Variants in OVCH1 observed in about 807,000 individuals in gnomAD.
The protein encoded by OVCH1 is ovochymase-1.
In OVCH1, 139 loss-of-function variants were observed where a neutral mutation model predicts 138.4. The ratio of observed to expected loss-of-function variants is 1.00; its 90% CI spans 0.87 to 1.16. The LOEUF (loss-of-function observed/expected upper bound fraction) is 1.16, where lower values mean the gene tolerates loss of function less well. Ranked by LOEUF, OVCH1 falls within the 50% of genes most tolerant of loss-of-function variation. The probability of loss-of-function intolerance (pLI) is 0.00; values close to 1 mark genes in which losing one functional copy is unlikely to be tolerated. For missense variants in OVCH1, 1,367 were observed against 1,357.9 expected, an observed-to-expected ratio of 1.01 and a Z score of -0.11; for synonymous variants, 453 against 467.8, an observed-to-expected ratio of 0.97 and a Z score of 0.41.
Position 29,461,619 on chromosome 12 carries a change from C to T in OVCH1, c.2280+235G>A, listed in dbSNP as rs1942134214. 1.5e-4 allele frequency: 84 copies of T among 577,600 alleles called. 1 individual carries two copies. The South Asian group carries it at 1.5e-3, about 10-fold the overall frequency. 35.8% of individuals were successfully genotyped at this position (577,600 alleles called of 1,614,324 possible). A position where few individuals can be genotyped will look rare whatever the true frequency, so the allele number is the denominator to read the frequency against. Reference sequence around the variant, plus strand: ...ATTTCCTGCCTTCTCACCAGCTCCTCTATGAACCCACCGGCCTTTGTCGCT... The same window carrying T: ...ATTTCCTGCCTTCTCACCAGCTCCTTTATGAACCCACCGGCCTTTGTCGCT... On this transcript the variant is annotated intron_variant, in intron 19 of 27. Coordinates refer to ENST00000318184, the Ensembl canonical transcript of OVCH1.
At position 29,491,194 on chromosome 12, in the gene OVCH1, T is replaced by A. The variant is rs373548428; in HGVS notation, c.455-2A>T. Reference sequence around the variant, plus strand: ...GACAGATTGGCTGAACAGCATTTCCTGAGAAAACAACAAAGGCATGAGGTT... The same window carrying A: ...GACAGATTGGCTGAACAGCATTTCCAGAGAAAACAACAAAGGCATGAGGTT... On this transcript the variant is annotated splice_acceptor_variant, in intron 4 of 27. Transcript: ENST00000318184. LOFTEE classifies it high-confidence loss of function. The A allele has an allele frequency of 2.9e-5, 46 of 1,612,086 alleles. No homozygotes were observed. In the African/African-American group the frequency reaches 6.0e-4, roughly 21 times the overall value.
chr12:29,473,198 T>C, intron 14 of OVCH1, 95 bp from the exon 15 acceptor site: 1 of 803,642 alleles, frequency 1.2e-6, no homozygotes, highest in Admixed American at 2.3e-5. Flanking sequence ...ACTACTCTAC[T>C]GTAGATCTCA....
intron 3 of OVCH1, among the ~76,000 whole-genome samples, chr12:29,413,568 T>C (rs1008984921): frequency 6.6e-6 from 1 of 152,180 alleles, no homozygotes; most frequent in Admixed American, 6.5e-5. Context: ...AATATATTGA[T>C]ATATTATGTA....
intron 6 of OVCH1, among the ~76,000 whole-genome samples, chr12:29,488,847 C>G (rs1218409325): frequency 1.3e-5 from 2 of 152,092 alleles, no homozygotes; most frequent in Non-Finnish European, 2.9e-5. Context: ...TAGGAAAAAG[C>G]ACCTTTAGCC....
chr12:29,412,012 G>A (rs867701811), downstream of OVCH1, among the ~76,000 whole-genome samples: 5 of 151,972 alleles, frequency 3.3e-5, no homozygotes, highest in South Asian at 2.1e-4. Flanking sequence ...GGGCAATGGC[G>A]GGCACCCCTC....
intron 16 of OVCH1, among the ~76,000 whole-genome samples, chr12:29,470,258 C>T (rs897625105): frequency 1.3e-5 from 2 of 152,142 alleles, no homozygotes; most frequent in African/African-American, 2.4e-5. Flanking sequence ...GATACATGTG[C>T]AGAATCTGCA....
chr12:29,424,754 G>A (rs1302208946), downstream of OVCH1, among the ~76,000 whole-genome samples: 5 of 152,142 alleles, frequency 3.3e-5, no homozygotes, highest in African/African-American at 1.2e-4. Flanking sequence ...TATATGGCAA[G>A]TTATTCAATC....
chr12:29,428,501 A>T (rs952489549), intron 27 of OVCH1, among the ~76,000 whole-genome samples: 3 of 152,192 alleles, frequency 2.0e-5, no homozygotes, highest in Non-Finnish European at 4.4e-5. Context: ...AAGGGTATTG[A>T]CAGGAATTAG....
intron 3 of OVCH1, among the ~76,000 whole-genome samples, chr12:29,415,072 A>G (rs1436318): frequency 0.52 from 78,956 of 151,924 alleles, 20,763 homozygotes; most frequent in Middle Eastern, 0.62. Flanking sequence ...ATGGGAAAAA[A>G]GTCATCTCTC....
At chr12:29,461,756 A>G (rs770479009) in intron 19 of OVCH1, 98 bp downstream of exon 19, 2 of 1,443,780 alleles carry the variant, frequency 1.4e-6, no homozygotes, top group Non-Finnish European at 9.7e-7. Flanking sequence ...GAAGCACGTG[A>G]CAAGTTGGTG....
At chr12:29,408,938 T>C (rs1341398349), downstream of OVCH1, among the ~76,000 whole-genome samples, 3 of 152,226 alleles carry the variant, frequency 2.0e-5, no homozygotes, top group Non-Finnish European at 4.4e-5. Context: ...CATCTGGTCC[T>C]GGACTCTTTT....
At chr12:29,495,431 G>T (rs72640150) in exon 4 of OVCH1, 8 of 1,613,222 alleles carry the variant, frequency 5.0e-6, no homozygotes, top group Non-Finnish European at 6.8e-6. Context: ...CTCCCCAGAA[G>T]TCACAGTTAT....
At chr12:29,441,412 GC>G (rs1941482306) in intron 25 of OVCH1, among the ~76,000 whole-genome samples, 1 of 152,156 alleles carries the variant, frequency 6.6e-6, no homozygotes, top group South Asian at 2.1e-4. Context: ...AAACTGGCTA[GC>G]CATATGGAGA....
chr12:29,488,882 G>A lies in OVCH1; in HGVS notation c.702+738C>T, dbSNP rs1447094052. On this transcript the variant is annotated intron_variant, in intron 6 of 27. Coordinates refer to ENST00000318184, the Ensembl canonical transcript of OVCH1. ...CTATCTGTTTTCCAATTTAGAAAGC[G>A]GCATAAGTGTACGTTTCAATCTCCT... 5.9e-5 allele frequency among the ~76,000 whole-genome samples: 9 copies of A among 152,074 alleles called. No homozygotes were observed. The South Asian group carries it at 1.5e-3, about 25-fold the overall frequency.
At chr12:29,414,480 C>CTT (rs1941006198) in intron 3 of OVCH1, among the ~76,000 whole-genome samples, 2 of 152,130 alleles carry the variant, frequency 1.3e-5, no homozygotes, top group African/African-American at 4.8e-5. Flanking sequence ...AGCAAGCATT[C>CTT]CAGAAAATAA....
At chr12:29,427,780 C>G in intron 27 of OVCH1, 1 of 1,250,892 alleles carries the variant, frequency 8.0e-7, no homozygotes, top group Non-Finnish European at 1.1e-6. Context: ...TCATTAGGTC[C>G]AAAATCTTTA....
intron 17 of OVCH1, among the ~76,000 whole-genome samples, chr12:29,464,936 A>G (rs925090451): frequency 7.2e-5 from 11 of 152,186 alleles, no homozygotes; most frequent in Admixed American, 5.9e-4. Flanking sequence ...ACCTGTGTCC[A>G]TGGGCCTAAA....
intron 8 of OVCH1, among the ~76,000 whole-genome samples, chr12:29,480,417 C>G (rs1942892570): frequency 6.6e-6 from 1 of 152,118 alleles, no homozygotes; most frequent in African/African-American, 2.4e-5. Flanking sequence ...TCAAATTGTT[C>G]CATCATCTAA....
At chr12:29,487,844 A>G (rs1181460183) in exon 7 of OVCH1, 1 of 1,612,246 alleles carries the variant, frequency 6.2e-7, no homozygotes, top group Non-Finnish European at 8.5e-7. Context: ...TCCAGATTCC[A>G]CCACCTCTTC....
Sources: allele counts gnomAD v4.1 joint callset (sites outside exome capture counted in the v4.1 genomes callset), GRCh38; gene constraint gnomAD v4.1.1; transcripts MANE v1.5; gene names NCBI Gene and HGNC (gene_info 2026-07-23, HGNC 2026-07-21).